Variants in CEP152 observed in about 807,000 individuals in gnomAD.
CEP152 encodes the protein centrosomal protein of 152 kDa.
In CEP152, 132 loss-of-function variants were observed where a neutral mutation model predicts 188.9. The observed-to-expected ratio is 0.70, with a 90% CI of 0.61 to 0.81. CEP152 has a LOEUF of 0.81. Ranked by LOEUF, CEP152 falls within the 30% of genes least tolerant of loss-of-function variation. CEP152 has a pLI of 0.00. For missense variants in CEP152, 1,914 were observed against 1,969.8 expected, an observed-to-expected ratio of 0.97 and a Z score of 0.54; for synonymous variants, 649 against 666.6, an observed-to-expected ratio of 0.97 and a Z score of 0.41.
intron 8 of CEP152, among the ~76,000 whole-genome samples, chr15:48,790,063 TTTC>T (rs1223604730): frequency 6.6e-6 from 1 of 152,238 alleles, no homozygotes; most frequent in Admixed American, 6.5e-5. Context: ...AACTATTGGT[TTTC>T]AAAAAGTTAA....
At chr15:48,762,707 A>G in intron 17 of CEP152, 35 bp from the exon 18 acceptor site, 1 of 1,603,386 alleles carries the variant, frequency 6.2e-7, no homozygotes, top group Non-Finnish European at 8.5e-7. Flanking sequence ...GAGAAGAACA[A>G]TTTTCAAATA....
intron 12 of CEP152, among the ~76,000 whole-genome samples, chr15:48,779,016 G>C (rs1189169253): frequency 6.6e-6 from 1 of 151,782 alleles, no homozygotes; most frequent in Non-Finnish European, 1.5e-5. Flanking sequence ...AAGTGTAAAG[G>C]TAGCAGAATA....
At chr15:48,745,061 C>A in intron 22 of CEP152, 69 bp from the exon 23 acceptor site, 1 of 1,106,080 alleles carries the variant, frequency 9.0e-7, no homozygotes, top group Middle Eastern at 2.7e-4. Context: ...CCTTAAGTTC[C>A]CAATACAAAT....
At chr15:48,793,230 T>C in intron 7 of CEP152, 91 bp downstream of exon 7, 1 of 1,498,784 alleles carries the variant, frequency 6.7e-7, no homozygotes, top group South Asian at 1.1e-5. Flanking sequence ...CAAGTGTTTT[T>C]ACTCTCTAAG....
intron 3 of CEP152, 45 bp from the exon 4 acceptor site, chr15:48,797,775 TG>T: frequency 6.3e-7 from 1 of 1,599,198 alleles, no homozygotes; most frequent in Non-Finnish European, 8.6e-7. Context: ...ATCATTTATT[TG>T]TACATAGATA....
At chr15:48,804,401 C>T (rs1047772232) in intron 2 of CEP152, among the ~76,000 whole-genome samples, 2 of 152,246 alleles carry the variant, frequency 1.3e-5, no homozygotes, top group African/African-American at 4.8e-5. Flanking sequence ...TGACCCTATT[C>T]CTTGCTTCCT....
intron 9 of CEP152, among the ~76,000 whole-genome samples, chr15:48,784,933 A>C (rs1303680274): frequency 6.6e-6 from 1 of 152,200 alleles, no homozygotes; most frequent in Non-Finnish European, 1.5e-5. Context: ...GAACAAACAC[A>C]CTGTCGAAAT....
At chr15:48,770,964 G>C (rs966639235) in intron 13 of CEP152, among the ~76,000 whole-genome samples, 7 of 143,488 alleles carry the variant, frequency 4.9e-5, no homozygotes, top group Non-Finnish European at 1.0e-4. Context: ...AGTTTAAATA[G>C]GAGATAAAAC....
At chr15:48,770,629 T>C (rs1314997208) in intron 13 of CEP152, among the ~76,000 whole-genome samples, 2 of 152,202 alleles carry the variant, frequency 1.3e-5, no homozygotes, top group Non-Finnish European at 2.9e-5. Context: ...AACTCTAATG[T>C]CTTAATGCAA....
intron 26 of CEP152, chr15:48,741,130 CTTT>C (rs60800078): frequency 4.0e-4 from 369 of 924,478 alleles, no homozygotes; most frequent in South Asian, 1.2e-3. Flanking sequence ...CCACTGCAAA[CTTT>C]TTTTTTTTTT....
chr15:48,788,517 G>C (rs981007551), intron 9 of CEP152, among the ~76,000 whole-genome samples: 1 of 129,518 alleles, frequency 7.7e-6, no homozygotes, highest in African/African-American at 2.9e-5. Flanking sequence ...TTTTTTTTTT[G>C]TATTTATAGT....
intron 17 of CEP152, 151 bp downstream of exon 17, chr15:48,766,909 T>C: frequency 1.1e-6 from 1 of 915,608 alleles, no homozygotes; most frequent in African/African-American, 1.6e-5. Flanking sequence ...ATTTTATTTG[T>C]GAGCTATATG....
chr15:48,776,714 A>T (rs1288759456), intron 12 of CEP152, among the ~76,000 whole-genome samples: 4 of 152,178 alleles, frequency 2.6e-5, no homozygotes, highest in African/African-American at 9.6e-5. Context: ...AAATGACATT[A>T]TAAAGAAATA....
At chr15:48,783,050 A>G (rs1896364347) in intron 10 of CEP152, 1 of 152,168 alleles carries the variant, frequency 6.6e-6, no homozygotes, top group African/African-American at 2.4e-5. Context: ...CCTTTCACAT[A>G]TTGTACCAAC....
intron 2 of CEP152, chr15:48,729,833 G>A (rs917437548): frequency 3.3e-5 from 5 of 151,842 alleles, no homozygotes; most frequent in Non-Finnish European, 7.4e-5. Flanking sequence ...AGGGTATATA[G>A]GTGTTTATTT....
intron 1 of CEP152, among the ~76,000 whole-genome samples, chr15:48,806,056 A>AT (rs944639260): frequency 3.4e-4 from 52 of 151,604 alleles, no homozygotes; most frequent in African/African-American, 1.1e-3. Context: ...CTATTGCTTC[A>AT]TTTTTTTTTA....
Position 48,752,483 on chromosome 15 carries a change from T to C in CEP152, c.3346-14A>G. On this transcript the variant is annotated splice_polypyrimidine_tract_variant and intron_variant, in intron 20 of 26. Coordinates refer to ENST00000380950, the MANE Select transcript of CEP152 (RefSeq NM_001194998.2). Reference sequence around the variant, plus strand: ...GGCCATATTTCTCTGAAATAAAGTATCTTCAAAGTTAATGCTTAGTAAAAA... The same window carrying C: ...GGCCATATTTCTCTGAAATAAAGTACCTTCAAAGTTAATGCTTAGTAAAAA... The C allele has an allele frequency of 6.2e-7, 1 of 1,612,796 alleles. No individual in the cohort carries two copies. The highest frequency in any genetic ancestry group is 8.5e-7 in the Non-Finnish European group (1 of 1,179,966).
At chr15:48,808,477 A>G (rs1898132365) in intron 1 of CEP152, among the ~76,000 whole-genome samples, 1 of 152,136 alleles carries the variant, frequency 6.6e-6, no homozygotes, top group South Asian at 2.1e-4. Flanking sequence ...ATTATTACAA[A>G]GAAATGAGAA....
chr15:48,729,138 A>G (rs774359573), intron 2 of CEP152: 1 of 152,226 alleles, frequency 6.6e-6, no homozygotes, highest in African/African-American at 2.4e-5. Context: ...CATTTTTCAT[A>G]ATCGAAGAAA....
Sources: gnomAD v4.1 joint callset for allele counts (sites outside exome capture counted in the v4.1 genomes callset) on GRCh38, gnomAD v4.1.1 for gene constraint, MANE v1.5 for transcripts, NCBI Gene and HGNC (gene_info 2026-07-23, HGNC 2026-07-21) for gene names.